EPB41L4B: variants seen among roughly 807,000 people sequenced by gnomAD.
The protein encoded by EPB41L4B is erythrocyte membrane protein band 4.1 like 4B.
In EPB41L4B, 30 loss-of-function variants were observed where a neutral mutation model predicts 112.5. That is an observed-to-expected ratio of 0.27 (90% CI 0.20 to 0.36). The LOEUF (loss-of-function observed/expected upper bound fraction) is 0.36, where lower values mean the gene tolerates loss of function less well. Ranked by LOEUF, EPB41L4B falls within the 10% of genes least tolerant of loss-of-function variation. EPB41L4B has a pLI of 1.00. For missense variants in EPB41L4B, 1,024 were observed against 1,133.3 expected, an observed-to-expected ratio of 0.90 and a Z score of 1.38; for synonymous variants, 408 against 439.7, an observed-to-expected ratio of 0.93 and a Z score of 0.90.
rs1409166719 is a variant in EPB41L4B, at chr9:109,256,303, T to C, written c.841-79A>G. 12 of 1,586,278 alleles carry C rather than the reference T, an allele frequency of 7.6e-6. No homozygotes were observed. The East Asian group carries it at 2.5e-4, about 33-fold the overall frequency. ...GCAGAATGCAAAATGCAAAAACAGT[T>C]TCCTCACCACAAGTTATTTTGTTTG... On this transcript the variant is annotated intron_variant, in intron 8 of 25. Transcript: ENST00000374566.
At chr9:109,174,871 C>A (rs570704872) in intron 25 of EPB41L4B, among the ~76,000 whole-genome samples, 3 of 151,246 alleles carry the variant, frequency 2.0e-5, no homozygotes, top group African/African-American at 7.3e-5. Context: ...ACCTCCAGAG[C>A]CTTGCGCAGT....
chr9:109,221,422 T>C (rs1311541819), intron 15 of EPB41L4B, among the ~76,000 whole-genome samples: 3 of 152,194 alleles, frequency 2.0e-5, no homozygotes, highest in Non-Finnish European at 4.4e-5. Flanking sequence ...AATTCCCCTT[T>C]GCTTGGAAGG....
chr9:109,276,084 ATATATAT>A (rs1257070688), intron 2 of EPB41L4B, among the ~76,000 whole-genome samples: 1 of 148,156 alleles, frequency 6.7e-6, no homozygotes, highest in Non-Finnish European at 1.5e-5. Context: ...GTATATATAC[ATATATAT>A]TATATATGTG....
intron 19 of EPB41L4B, among the ~76,000 whole-genome samples, chr9:109,201,847 C>T (rs535119455): frequency 1.3e-5 from 2 of 152,202 alleles, no homozygotes; most frequent in South Asian, 4.2e-4. Context: ...ACACTGAAGG[C>T]AATGGACCTC....
rs956713333 is a variant in EPB41L4B at position 109,320,586 on chromosome 9, G to C, written c.-140C>G. 3.2e-6 allele frequency: 1 copy of C among 310,072 alleles called. No individual in the cohort carries two copies. Among genetic ancestry groups the C allele is most frequent in the Non-Finnish European group, 4.6e-6 (1 of 217,180 alleles). 19.2% of individuals were successfully genotyped at this position (310,072 alleles called of 1,614,324 possible). On this transcript the variant is annotated 5_prime_UTR_variant, in exon 1 of 26. Coordinates refer to ENST00000374566, the MANE Select transcript of EPB41L4B (RefSeq NM_019114.5). ...CGCCGCCTCTCGCGGGCTACGGCCC[G>C]GGGCAAGCCCGCGCCGAGGCCGAGG...
At chr9:109,226,660 AT>A (rs1320413956) in intron 15 of EPB41L4B, among the ~76,000 whole-genome samples, 1 of 87,954 alleles carries the variant, frequency 1.1e-5, no homozygotes, top group African/African-American at 3.7e-5. Context: ...AAGAATATAT[AT>A]ATGAAGAATA....
chr9:109,219,071 T>C (rs1446187771), intron 15 of EPB41L4B, among the ~76,000 whole-genome samples: 9 of 152,156 alleles, frequency 5.9e-5, no homozygotes, highest in Non-Finnish European at 1.3e-4. Context: ...TAGGTTTTGC[T>C]GGACAGTTCT....
chr9:109,273,118 A>G (rs1387163198), intron 2 of EPB41L4B, among the ~76,000 whole-genome samples: 1 of 152,214 alleles, frequency 6.6e-6, no homozygotes, highest in Non-Finnish European at 1.5e-5. Flanking sequence ...CCTTGGAATC[A>G]TCTAAATCAG....
chr9:109,299,772 AT>A (rs369933938), intron 1 of EPB41L4B, among the ~76,000 whole-genome samples: 41 of 89,946 alleles, frequency 4.6e-4, no homozygotes, highest in African/African-American at 2.6e-3. Context: ...CCTCTTTCCA[AT>A]TTCTACCCCT....
intron 15 of EPB41L4B, among the ~76,000 whole-genome samples, chr9:109,230,454 A>G (rs186444253): frequency 7.1e-4 from 108 of 152,328 alleles, no homozygotes; most frequent in Non-Finnish European, 4.3e-4. Context: ...ATTTTTGGAC[A>G]TTAAGCATTC....
In EPB41L4B at chr9:109,287,900, C is replaced by T. The variant is rs529895545; in HGVS notation, c.307-7979G>A. 2.0e-4 allele frequency among the ~76,000 whole-genome samples: 30 copies of T among 152,216 alleles called. 1 individual carries two copies. Among genetic ancestry groups the T allele is most frequent in the South Asian group, 2.1e-4 (1 of 4,832 alleles). ...TACAGGTGTGAGCCACCAATCCTGG[C>T]TGGCAAGTCTTTCTGTGGCCAGCTT... On this transcript the variant is annotated intron_variant, in intron 1 of 25. Coordinates refer to ENST00000374566, the MANE Select transcript of EPB41L4B (RefSeq NM_019114.5).
intron 24 of EPB41L4B, among the ~76,000 whole-genome samples, chr9:109,179,135 C>T (rs114746551): frequency 0.015 from 2,345 of 152,222 alleles, 66 homozygotes; most frequent in African/African-American, 0.052. Context: ...AGGCAGGGCT[C>T]CCCACCCTAG....
In EPB41L4B at chr9:109,203,545, TTC is replaced by T. The variant is rs1371046956; in HGVS notation, c.1946+116_1946+117del. The T allele has an allele frequency of 1.1e-4, 96 of 835,162 alleles. No homozygotes were observed. In the African/African-American group the frequency reaches 1.4e-3, roughly 12 times the overall value. The allele number at this position is 835,162 out of a possible 1,614,324, so 51.7% of individuals were successfully genotyped here. ...CTTTTTCCATCTCTTTGGGCTCCTA[TTC>T]TCTGTTTTATTTGTCCTCTGATTTT... On this transcript the variant is annotated intron_variant, in intron 19 of 25. Coordinates refer to ENST00000374566, the MANE Select transcript of EPB41L4B (RefSeq NM_019114.5).
chr9:109,197,686 G>A (rs143844472), intron 20 of EPB41L4B, among the ~76,000 whole-genome samples: 1 of 152,076 alleles, frequency 6.6e-6, no homozygotes, highest in African/African-American at 2.4e-5. Context: ...CGGGCATGGT[G>A]TCATGTGCCT....
intron 12 of EPB41L4B, among the ~76,000 whole-genome samples, chr9:109,252,476 TC>T (rs899623423): frequency 1.4e-4 from 22 of 152,164 alleles, no homozygotes; most frequent in African/African-American, 5.3e-4. Flanking sequence ...GTGGGCATTT[TC>T]CCTCCACTAA....
At chr9:109,285,463 T>G (rs753318894) in intron 1 of EPB41L4B, among the ~76,000 whole-genome samples, 8 of 152,172 alleles carry the variant, frequency 5.3e-5, no homozygotes, top group Non-Finnish European at 8.8e-5. Context: ...CTCTGATGCT[T>G]TTTTAAATAT....
At chr9:109,229,219 C>A (rs1043953360) in intron 15 of EPB41L4B, among the ~76,000 whole-genome samples, 1 of 152,186 alleles carries the variant, frequency 6.6e-6, no homozygotes, top group Non-Finnish European at 1.5e-5. Context: ...ATTTCCAATG[C>A]AGTCTTCCTT....
At chr9:109,259,051 A>C (rs981936784) in intron 6 of EPB41L4B, among the ~76,000 whole-genome samples, 1 of 152,132 alleles carries the variant, frequency 6.6e-6, no homozygotes, top group African/African-American at 2.4e-5. Context: ...CAGCTCAGGA[A>C]GCAGACCCCA....
intron 15 of EPB41L4B, chr9:109,241,956 T>C (rs1834368320): frequency 2.6e-6 from 2 of 759,948 alleles, no homozygotes; most frequent in Admixed American, 5.2e-5. Context: ...ATGAATGGAT[T>C]TCCTAGTAAG....
Sources: gnomAD v4.1 joint callset for allele counts (sites outside exome capture counted in the v4.1 genomes callset) on GRCh38, gnomAD v4.1.1 for gene constraint, MANE v1.5 for transcripts, NCBI Gene and HGNC (gene_info 2026-07-23, HGNC 2026-07-21) for gene names.